The following METTL9 variants were observed in gnomAD, a reference collection of about 807,000 sequenced individuals.
METTL9 encodes methyltransferase 9, His-X-His N1(pi)-histidine.
Under a neutral mutation model 36.0 loss-of-function variants are expected in METTL9, and 10 were observed. That is an observed-to-expected ratio of 0.28 (90% CI 0.17 to 0.47). The LOEUF (loss-of-function observed/expected upper bound fraction) is 0.47. METTL9 is among the 20% of genes least tolerant of loss of function. The pLI, the probability that METTL9 is intolerant of heterozygous loss-of-function variation, is 0.99. For missense variants in METTL9, 246 were observed against 383.5 expected (o/e 0.64, Z 3.00); for synonymous variants, 175 against 149.7 (o/e 1.17, Z -1.23).
intron 4 of METTL9, among the ~76,000 whole-genome samples, chr16:21,637,180 A>G (rs1273085028): frequency 2.0e-5 from 3 of 152,184 alleles, no homozygotes; most frequent in Admixed American, 6.5e-5. Context: ...TGGCCCCACC[A>G]ACATCCTGCT....
chr16:21,646,814 C>T (rs1030775101), intron 4 of METTL9: 104 of 357,702 alleles, frequency 2.9e-4, no homozygotes, highest in East Asian at 5.7e-4. Flanking sequence ...TGCCACCATG[C>T]GCGGCTAATT....
chr16:21,599,570 G>C, upstream of METTL9: 2 of 1,286,490 alleles, frequency 1.6e-6, no homozygotes, highest in Non-Finnish European at 2.0e-6. The surrounding 1 kb of genome is among the most constrained non-coding windows in gnomAD (Gnocchi z 4.4). Flanking sequence ...CTGCGCGCCG[G>C]CTGCTCCTCC....
Position 21,617,898 on chromosome 16 carries a change from A to G in METTL9, c.390A>G (p.Ser130=), listed in dbSNP as rs750798254. 1.2e-6 allele frequency: 2 copies of G among 1,613,914 alleles called. No homozygotes were observed. Among genetic ancestry groups the G allele is most frequent in the Non-Finnish European group, 1.7e-6 (2 of 1,179,974 alleles). ...GAAGAGGCTCAATGTTTGTGTTTTC[A>G]CCAGATCAGTTTCAGAGACTGCTTA... The part of the protein sequence containing the change: ...LLGRGSMFVF[S]PDQFQRLLKI... Residue 130 remains serine, a synonymous_variant, in exon 3 of 5, where the codon TCA becomes TCG. Coordinates refer to ENST00000358154, the MANE Select transcript of METTL9 (RefSeq NM_016025.5).
At chr16:21,634,145 C>T (rs1165049546) in intron 4 of METTL9, among the ~76,000 whole-genome samples, 1 of 152,132 alleles carries the variant, frequency 6.6e-6, no homozygotes, top group Non-Finnish European at 1.5e-5. Context: ...CCCAGGATTC[C>T]TCGGATGGTA....
chr16:21,631,714 G>T (rs1398214551), intron 4 of METTL9, among the ~76,000 whole-genome samples: 1 of 152,158 alleles, frequency 6.6e-6, no homozygotes, highest in African/African-American at 2.4e-5. Flanking sequence ...AAGGATTTTT[G>T]ATAGGAAGGC....
Position 21,612,751 on chromosome 16 carries a change from A to C in METTL9, c.272A>C (p.Lys91Thr). 1 of 1,613,562 alleles carries C rather than the reference A, an allele frequency of 6.2e-7. No homozygotes were observed. The highest frequency in any genetic ancestry group is 8.5e-7 in the Non-Finnish European group (1 of 1,179,864). The change falls in exon 2 of 5, where the codon AAA becomes ACA. Residue 91 changes from lysine to threonine, a missense_variant. Lys to Thr is a moderately conservative substitution (Grantham distance 78). Transcript: ENST00000358154. ...ATCTTCTTAAACAACAGCATTGAGAAATCGGGCTGGCTATTTATCCAATTA... is the reference window on the plus strand; with the variant it reads ...ATCTTCTTAAACAACAGCATTGAGACATCGGGCTGGCTATTTATCCAATTA... ...TQIFLNNSIE[K>T]SGWLFIQLYH...
intron 1 of METTL9, among the ~76,000 whole-genome samples, chr16:21,602,408 T>C (rs950206779): frequency 4.6e-5 from 7 of 152,176 alleles, no homozygotes; most frequent in African/African-American, 1.7e-4. Flanking sequence ...CAGTGCCATT[T>C]TAGTAACTTG....
intron 4 of METTL9, chr16:21,640,047 C>G (rs1279253585): frequency 6.6e-6 from 1 of 152,044 alleles, no homozygotes; most frequent in East Asian, 1.9e-4. Context: ...CAAGTGATCT[C>G]CTGCCTCAGC....
intron 4 of METTL9, among the ~76,000 whole-genome samples, chr16:21,633,782 G>GT (rs1287786474): frequency 6.6e-6 from 1 of 152,182 alleles, no homozygotes; most frequent in Non-Finnish European, 1.5e-5. Flanking sequence ...GCTTTTAAAT[G>GT]TTTAACAGTA....
intron 3 of METTL9, among the ~76,000 whole-genome samples, chr16:21,618,725 T>C (rs967038385): frequency 2.6e-5 from 4 of 152,126 alleles, no homozygotes; most frequent in Admixed American, 6.5e-5. Flanking sequence ...CTTTTCTTTT[T>C]TTTTTTGAGA....
intron 4 of METTL9, among the ~76,000 whole-genome samples, chr16:21,630,252 G>A (rs1201909463): frequency 2.0e-5 from 3 of 152,234 alleles, no homozygotes; most frequent in African/African-American, 7.2e-5. Context: ...CCCAGCAGGC[G>A]CTGGCTGGTG....
At chr16:21,619,587 A>ATTTTTTTTTTTTTTT (rs35728063) in intron 3 of METTL9, among the ~76,000 whole-genome samples, 5 of 124,216 alleles carry the variant, frequency 4.0e-5, no homozygotes, top group East Asian at 2.4e-4. Context: ...TGCCCGGCTA[A>ATTTTTTTTTTTTTTT]TTTTTTTTTT....
At chr16:21,607,415 C>T (rs1028103775) in intron 1 of METTL9, among the ~76,000 whole-genome samples, 60 of 152,198 alleles carry the variant, frequency 3.9e-4, no homozygotes, top group African/African-American at 1.3e-3. Flanking sequence ...TTAATAACTT[C>T]GGTTGGCGAA....
chr16:21,613,168 CTTTTTTTTTTTTTTTTTTT>C lies in METTL9; in HGVS notation c.356+351_356+369del, dbSNP rs57388340. ...ATCAGGGGCTAGGTCTGAGAGTCTGCTTTTTTTTTTTTTTTTTTTTTTTTTTTTTTTTTTTTAAAGACAG... is the reference window on the plus strand; with the variant it reads ...ATCAGGGGCTAGGTCTGAGAGTCTGCTTTTTTTTTTTTTTTTTAAAGACAG... On this transcript the variant is annotated intron_variant, in intron 2 of 4. Coordinates refer to ENST00000358154, the MANE Select transcript of METTL9 (RefSeq NM_016025.5). Among the ~76,000 whole-genome samples, 64 of 91,428 alleles carry C rather than the reference CTTTTTTTTTTTTTTTTTTT, an allele frequency of 7.0e-4. 1 individual carries two copies. Among genetic ancestry groups the C allele is most frequent in the East Asian group, 1.8e-3 (5 of 2,830 alleles). The allele number at this position is 91,428 out of a possible 152,430, so 60.0% of individuals were successfully genotyped here.
At chr16:21,621,139 T>TGAGA (rs200770003) in intron 3 of METTL9, among the ~76,000 whole-genome samples, 1 of 150,912 alleles carries the variant, frequency 6.6e-6, no homozygotes, top group East Asian at 1.9e-4. Flanking sequence ...CTGGCTAATT[T>TGAGA]GAGAGAGAGA....
At chr16:21,603,543 A>G (rs964545777) in intron 1 of METTL9, among the ~76,000 whole-genome samples, 1 of 152,214 alleles carries the variant, frequency 6.6e-6, no homozygotes. Flanking sequence ...TCACTTTGCA[A>G]TGTTGGCAGA....
intron 4 of METTL9, chr16:21,625,323 G>A (rs1459052124): frequency 5.5e-6 from 3 of 549,694 alleles, no homozygotes; most frequent in Admixed American, 6.2e-5. Context: ...CCCTTGCAGT[G>A]GTAATAATTA....
chr16:21,647,523 G>A, intron 4 of METTL9: 5 of 1,578,760 alleles, frequency 3.2e-6, no homozygotes, highest in Non-Finnish European at 4.3e-6. Context: ...GTGGGTTAAT[G>A]GGCCTGCCAC....
chr16:21,642,361 C>T (rs2141611260), intron 4 of METTL9: 1 of 152,182 alleles, frequency 6.6e-6, no homozygotes, highest in Non-Finnish European at 1.5e-5. Context: ...GGCCCCTACA[C>T]AAAGATGACA....
Sources: gnomAD v4.1 joint callset for allele counts (sites outside exome capture counted in the v4.1 genomes callset) on GRCh38, gnomAD v4.1.1 for gene constraint, Gnocchi (gnomAD v3.1) non-coding constraint, MANE v1.5 for transcripts, NCBI Gene and HGNC (gene_info 2026-07-23, HGNC 2026-07-21) for gene names.